Variants in CALN1 observed in about 807,000 individuals in gnomAD.
The protein encoded by CALN1 is calneuron 1.
A neutral mutation model predicts 30.6 loss-of-function variants in CALN1; 17 were observed. The ratio of observed to expected loss-of-function variants is 0.56; its 90% CI spans 0.38 to 0.83. CALN1 has a LOEUF of 0.83. Ranked by LOEUF, CALN1 falls within the 40% of genes least tolerant of loss-of-function variation. The probability of loss-of-function intolerance (pLI) is 0.00; values close to 1 mark genes in which losing one functional copy is unlikely to be tolerated. For synonymous variants in CALN1, 156 were observed against 131.4 expected (o/e 1.19, Z -1.28); for missense variants, 291 against 354.9 (o/e 0.82, Z 1.45).
intron 5 of CALN1, among the ~76,000 whole-genome samples, chr7:71,922,572 T>C (rs1161336494): frequency 7.2e-6 from 1 of 139,006 alleles, no homozygotes; most frequent in African/African-American, 2.6e-5. Flanking sequence ...TATATAAATA[T>C]ATAACACACA....
At chr7:72,199,171 A>C (rs575146533) in intron 3 of CALN1, among the ~76,000 whole-genome samples, 21 of 152,288 alleles carry the variant, frequency 1.4e-4, no homozygotes, top group Non-Finnish European at 2.6e-4. Flanking sequence ...GTTACTTGGG[A>C]GGTGGAGGCA....
chr7:72,030,426 G>A (rs142720679), intron 4 of CALN1, among the ~76,000 whole-genome samples: 1 of 152,202 alleles, frequency 6.6e-6, no homozygotes, highest in Non-Finnish European at 1.5e-5. Context: ...AACCCTACTG[G>A]TAACATAAAC....
At chr7:72,410,438 G>A (rs1024897781) in intron 1 of CALN1, among the ~76,000 whole-genome samples, 2 of 152,170 alleles carry the variant, frequency 1.3e-5, no homozygotes, top group Non-Finnish European at 2.9e-5. Flanking sequence ...CCTTCTACAT[G>A]ATGTAAAATC....
chr7:71,930,772 C>T (rs900735992), intron 5 of CALN1, among the ~76,000 whole-genome samples: 3 of 152,198 alleles, frequency 2.0e-5, no homozygotes, highest in African/African-American at 7.2e-5. Context: ...GTCCCAGTTC[C>T]AGAAACTCTT....
intron 5 of CALN1, among the ~76,000 whole-genome samples, chr7:71,819,476 T>C (rs909871542): frequency 1.3e-5 from 2 of 152,194 alleles, no homozygotes; most frequent in Admixed American, 1.3e-4. Context: ...AGTGTTGGGA[T>C]TGCAGGCATG....
At chr7:72,425,685 C>T (rs1445491177) in intron 1 of CALN1, among the ~76,000 whole-genome samples, 1 of 152,226 alleles carries the variant, frequency 6.6e-6, no homozygotes, top group Non-Finnish European at 1.5e-5. Context: ...ATTACCATCT[C>T]ATCTGAGTCT....
intron 4 of CALN1, among the ~76,000 whole-genome samples, chr7:72,059,121 T>G (rs1803474563): frequency 6.6e-6 from 1 of 152,216 alleles, no homozygotes; most frequent in African/African-American, 2.4e-5. Context: ...ATATTCCTTT[T>G]AAATCGTCAG....
At chr7:72,042,842 G>A (rs1303642840) in intron 4 of CALN1, among the ~76,000 whole-genome samples, 5 of 152,152 alleles carry the variant, frequency 3.3e-5, no homozygotes, top group Non-Finnish European at 7.3e-5. Context: ...AAAAGTTTTA[G>A]GAATGGTGGG....
chr7:72,173,939 T>A (rs1034644844), intron 3 of CALN1, among the ~76,000 whole-genome samples: 3 of 152,104 alleles, frequency 2.0e-5, no homozygotes, highest in Admixed American at 1.3e-4. Context: ...ATACATCTAA[T>A]TTTATAAAAA....
intron 2 of CALN1, among the ~76,000 whole-genome samples, chr7:72,291,814 G>A (rs370064314): frequency 1.9e-4 from 29 of 152,104 alleles, no homozygotes; most frequent in Admixed American, 5.2e-4. Flanking sequence ...GATTCTTCAT[G>A]TTGGCCAGGC....
chr7:72,440,911 T>C (rs989097036), intron 1 of CALN1, among the ~76,000 whole-genome samples: 2 of 152,250 alleles, frequency 1.3e-5, no homozygotes, highest in African/African-American at 4.8e-5. Context: ...TGCTCCTCTG[T>C]TCTAAATTGT....
intron 3 of CALN1, among the ~76,000 whole-genome samples, chr7:72,166,912 G>A (rs910951050): frequency 6.6e-6 from 1 of 152,054 alleles, no homozygotes; most frequent in Admixed American, 6.6e-5. Flanking sequence ...GCATGGTGGT[G>A]GCATGCACCT....
intron 1 of CALN1, among the ~76,000 whole-genome samples, chr7:72,435,151 C>G (rs896209567): frequency 2.6e-5 from 4 of 151,540 alleles, no homozygotes; most frequent in African/African-American, 9.7e-5. Context: ...GGGAGGATCA[C>G]TTGAGCCTAG....
intron 3 of CALN1, among the ~76,000 whole-genome samples, chr7:72,146,508 G>C (rs1034878480): frequency 3.3e-5 from 5 of 152,252 alleles, no homozygotes; most frequent in Middle Eastern, 3.4e-3. Flanking sequence ...CTCATGGATA[G>C]GAAGAATCAA....
chr7:71,822,657 G>A (rs1788664753), intron 5 of CALN1, among the ~76,000 whole-genome samples: 1 of 152,166 alleles, frequency 6.6e-6, no homozygotes, highest in African/African-American at 2.4e-5. Flanking sequence ...CATGACTTAA[G>A]CCACCATTTC....
chr7:71,911,152 G>T (rs184279455), intron 5 of CALN1, among the ~76,000 whole-genome samples: 1 of 152,272 alleles, frequency 6.6e-6, no homozygotes, highest in African/African-American at 2.4e-5. Context: ...GCCATTTTGG[G>T]ATTGCTGAAA....
intron 5 of CALN1, among the ~76,000 whole-genome samples, chr7:71,829,438 C>T (rs1370211602): frequency 1.3e-5 from 2 of 152,218 alleles, no homozygotes; most frequent in Non-Finnish European, 2.9e-5. Flanking sequence ...ATGTAGAATA[C>T]ATTTGTGTTG....
At chr7:72,085,966 T>C (rs185164212) in intron 4 of CALN1, among the ~76,000 whole-genome samples, 9 of 151,966 alleles carry the variant, frequency 5.9e-5, no homozygotes, top group Admixed American at 1.3e-4. Context: ...TGGGTAAAAA[T>C]AGATGTATAA....
In CALN1 at chr7:72,386,782, C is replaced by G. The variant is rs550727604; in HGVS notation, c.119+16469G>C. Among the ~76,000 whole-genome samples the G allele has an allele frequency of 2.5e-4, 38 of 152,226 alleles. No homozygotes were observed. In the South Asian group the frequency reaches 6.2e-3, roughly 25 times the overall value. ...TTCTGAGTAGCTGGGGCTACAGGGGCATGCCACCACACCTAGCTAATTTAA... is the reference window on the plus strand; with the variant it reads ...TTCTGAGTAGCTGGGGCTACAGGGGGATGCCACCACACCTAGCTAATTTAA... On this transcript the variant is annotated intron_variant, in intron 2 of 6. Coordinates refer to ENST00000395275, the MANE Select transcript of CALN1 (RefSeq NM_031468.4).
Sources: gnomAD v4.1 joint callset for allele counts (sites outside exome capture counted in the v4.1 genomes callset) on GRCh38, gnomAD v4.1.1 for gene constraint, MANE v1.5 for transcripts, NCBI Gene and HGNC (gene_info 2026-07-23, HGNC 2026-07-21) for gene names.